NETO1: variants seen among roughly 807,000 people sequenced by gnomAD.
NETO1 encodes the protein neuropilin and tolloid like 1.
A neutral mutation model predicts 61.3 loss-of-function variants in NETO1; 26 were observed. That is an observed-to-expected ratio of 0.42 (90% CI 0.31 to 0.59). The LOEUF is 0.59. Ranked by LOEUF, NETO1 falls within the 20% of genes least tolerant of loss-of-function variation. The probability of loss-of-function intolerance (pLI) is 0.12; values close to 1 mark genes in which losing one functional copy is unlikely to be tolerated. For missense variants in NETO1, 531 were observed against 662.8 expected (o/e 0.80, Z 2.18); for synonymous variants, 225 against 225.8 (o/e 1.00, Z 0.03).
rs548612741 is a variant in NETO1, at chr18:72,818,780, TC to T, written c.470-24377del. Among the ~76,000 whole-genome samples, 283 of 152,328 alleles carry T rather than the reference TC, an allele frequency of 1.9e-3. 1 individual carries two copies. Among genetic ancestry groups the T allele is most frequent in the African/African-American group, 5.4e-3 (224 of 41,580 alleles). On this transcript the variant is annotated intron_variant, in intron 4 of 10. Coordinates refer to ENST00000327305, the MANE Select transcript of NETO1 (RefSeq NM_138966.5). ...ATTATAACTTTATATAAACATTTTT[TC>T]GTTTATCTATTAAATTATAGAAACA...
chr18:72,798,865 T>G (rs182991340), intron 4 of NETO1, among the ~76,000 whole-genome samples: 1 of 152,302 alleles, frequency 6.6e-6, no homozygotes, highest in Admixed American at 6.5e-5. Flanking sequence ...GTTCACATTC[T>G]CCAAGACCAC....
intron 3 of NETO1, among the ~76,000 whole-genome samples, chr18:72,863,807 T>C (rs965570054): frequency 4.6e-5 from 7 of 152,180 alleles, no homozygotes; most frequent in African/African-American, 1.7e-4. Context: ...TGCCTGTGTG[T>C]GTGTGTGGGG....
At chr18:72,802,210 A>G (rs955905734) in intron 4 of NETO1, among the ~76,000 whole-genome samples, 1 of 152,206 alleles carries the variant, frequency 6.6e-6, no homozygotes, top group Admixed American at 6.5e-5. Flanking sequence ...AGCTCTCTAA[A>G]AGCCAAATGT....
chr18:72,857,928 G>C (rs1289387898), intron 4 of NETO1, among the ~76,000 whole-genome samples: 1 of 151,962 alleles, frequency 6.6e-6, no homozygotes, highest in Admixed American at 6.6e-5. Context: ...TTTTAACTGA[G>C]TATCAAAGCT....
intron 4 of NETO1, among the ~76,000 whole-genome samples, chr18:72,817,621 A>C (rs2073068093): frequency 6.6e-6 from 1 of 152,264 alleles, no homozygotes. Context: ...GTAAGGTAGC[A>C]CCAAGTATTA....
chr18:72,818,000 G>T lies in NETO1; in HGVS notation c.470-23596C>A, dbSNP rs190534673. Among the ~76,000 whole-genome samples the T allele has an allele frequency of 2.3e-3, 351 of 152,290 alleles. 2 individuals carry two copies. The highest frequency in any genetic ancestry group is 2.9e-3 in the Non-Finnish European group (199 of 68,022). ...GTGGATCCTCATGCAGGTGAGCCTT[G>T]AGATGATTGCAACTCGGGCTTATAA... On this transcript the variant is annotated intron_variant, in intron 4 of 10. Transcript: ENST00000327305.
chr18:72,764,038 G>C (rs12965273), intron 7 of NETO1, among the ~76,000 whole-genome samples: 45,337 of 151,926 alleles, frequency 0.3, 7,972 homozygotes, highest in South Asian at 0.41. Flanking sequence ...ACTATCATGA[G>C]AACAGCATGG....
rs544076503 is a variant in NETO1, at chr18:72,749,236, G to A, written c.1542-148C>T. Reference sequence around the variant, plus strand: ...TGCAAAACATATCAAATCAACTGAAGTATTTTAGGTTTTGAGAATGTAATG... The same window carrying A: ...TGCAAAACATATCAAATCAACTGAAATATTTTAGGTTTTGAGAATGTAATG... On this transcript the variant is annotated intron_variant, in intron 9 of 10. Transcript: ENST00000327305. 1.2e-4 allele frequency: 66 copies of A among 558,348 alleles called. No homozygotes were observed. The South Asian group carries it at 1.6e-3, about 14-fold the overall frequency. The allele number at this position is 558,348 out of a possible 1,614,324, so 34.6% of individuals were successfully genotyped here. A position where few individuals can be genotyped will look rare whatever the true frequency, so the allele number is the denominator to read the frequency against.
intron 4 of NETO1, among the ~76,000 whole-genome samples, chr18:72,854,107 A>G (rs1773751272): frequency 1.5e-5 from 2 of 136,894 alleles, no homozygotes; most frequent in African/African-American, 5.7e-5. Flanking sequence ...ACTGCAGTGC[A>G]GTGTATTTCT....
intron 7 of NETO1, among the ~76,000 whole-genome samples, chr18:72,764,520 T>C (rs570630749): frequency 6.6e-6 from 1 of 152,278 alleles, no homozygotes; most frequent in East Asian, 1.9e-4. Context: ...CCCCTGAGGC[T>C]GTCACAGGTC....
intron 4 of NETO1, among the ~76,000 whole-genome samples, chr18:72,839,718 A>G (rs1352102379): frequency 6.6e-6 from 1 of 152,246 alleles, no homozygotes; most frequent in Non-Finnish European, 1.5e-5. Context: ...ATAGAGTAAT[A>G]TCTACATGAA....
chr18:72,809,984 G>A (rs1354256516), intron 4 of NETO1, among the ~76,000 whole-genome samples: 5 of 152,072 alleles, frequency 3.3e-5, no homozygotes, highest in Non-Finnish European at 5.9e-5. Context: ...GTAAATAATG[G>A]TAAAACCAAG....
chr18:72,867,040 G>A, intron 1 of NETO1: 1 of 468,044 alleles, frequency 2.1e-6, no homozygotes, highest in Non-Finnish European at 3.7e-6. Context: ...CTGAAAGACC[G>A]TTCTCCGGCA....
intron 4 of NETO1, among the ~76,000 whole-genome samples, chr18:72,832,236 A>G (rs1285625292): frequency 6.6e-6 from 1 of 152,170 alleles, no homozygotes; most frequent in African/African-American, 2.4e-5. Context: ...AAAAAAGTAG[A>G]ATAAAAATCA....
intron 4 of NETO1, among the ~76,000 whole-genome samples, chr18:72,832,804 T>A (rs999474392): frequency 6.6e-6 from 1 of 152,198 alleles, no homozygotes; most frequent in African/African-American, 2.4e-5. Flanking sequence ...TATGCATATT[T>A]TCACATGTAT....
At chr18:72,795,805 T>C (rs1358530544) in intron 4 of NETO1, among the ~76,000 whole-genome samples, 2 of 152,228 alleles carry the variant, frequency 1.3e-5, no homozygotes, top group East Asian at 1.9e-4. Flanking sequence ...TTATAGGATA[T>C]ATTGTTATTA....
chr18:72,843,288 A>G lies in NETO1; in HGVS notation c.469+15538T>C, dbSNP rs140632336. 3.0e-3 allele frequency among the ~76,000 whole-genome samples: 463 copies of G among 152,308 alleles called. 3 individuals are homozygous for G. Among genetic ancestry groups the G allele is most frequent in the African/African-American group, 0.011 (444 of 41,568 alleles). ...AGTGTAAATCCTAGCAGAGAGAATCAAACAACAGATAGAGGAGTAAAGCAA... is the reference window on the plus strand; with the variant it reads ...AGTGTAAATCCTAGCAGAGAGAATCGAACAACAGATAGAGGAGTAAAGCAA... On this transcript the variant is annotated intron_variant, in intron 4 of 10. Transcript: ENST00000327305.
intron 1 of NETO1, chr18:72,866,904 T>TTCTAG: frequency 1.8e-6 from 1 of 556,906 alleles, no homozygotes; most frequent in Non-Finnish European, 2.5e-6. Context: ...AAGACTCCTC[T>TTCTAG]GGCCCCACTA....
In NETO1 at chr18:72,767,479, A is replaced by G. The variant is rs60048857; in HGVS notation, c.869-11332T>C. 2.1e-3 allele frequency among the ~76,000 whole-genome samples: 327 copies of G among 152,312 alleles called. 1 individual carries two copies. The highest frequency in any genetic ancestry group is 7.5e-3 in the African/African-American group (310 of 41,580). On this transcript the variant is annotated intron_variant, in intron 7 of 10. Coordinates refer to ENST00000327305, the MANE Select transcript of NETO1 (RefSeq NM_138966.5). ...TTCTGCAATATTTTCTCAGTAACTC[A>G]ATGAATAGGCAAAGAAGCAAAATTA...
Sources: allele counts gnomAD v4.1 joint callset (sites outside exome capture counted in the v4.1 genomes callset), GRCh38; gene constraint gnomAD v4.1.1; transcripts MANE v1.5; gene names NCBI Gene and HGNC (gene_info 2026-07-23, HGNC 2026-07-21).